MYO10: variants seen among roughly 807,000 people sequenced by gnomAD.
The protein encoded by MYO10 is myosin X, also known as unconventional myosin-X.
Under a neutral mutation model 257.3 loss-of-function variants are expected in MYO10, and 133 were observed. That is an observed-to-expected ratio of 0.52 (90% CI 0.45 to 0.60). The LOEUF is 0.60. Ranked by LOEUF, MYO10 falls within the 20% of genes least tolerant of loss-of-function variation. MYO10 has a pLI of 0.00. For missense variants in MYO10, 2,399 were observed against 2,635.7 expected, an observed-to-expected ratio of 0.91 and a Z score of 1.97; for synonymous variants, 1,104 against 1,028.6, an observed-to-expected ratio of 1.07 and a Z score of -1.40.
Position 16,877,942 on chromosome 5 carries a change from G to A in MYO10, c.22-235C>T, listed in dbSNP as rs970932005. Among the ~76,000 whole-genome samples the A allele has an allele frequency of 3.9e-5, 6 of 152,296 alleles. No homozygotes were observed. In the South Asian group the frequency reaches 1.0e-3, roughly 26 times the overall value. Reference sequence around the variant, plus strand: ...AAGGCAAAGAGGGACTAAGAAAATAGTAGCTAGCCCCTGTGTTCTCACCAT... The same window carrying A: ...AAGGCAAAGAGGGACTAAGAAAATAATAGCTAGCCCCTGTGTTCTCACCAT... On this transcript the variant is annotated intron_variant, in intron 1 of 40. Transcript: ENST00000513610.
intron 19 of MYO10, among the ~76,000 whole-genome samples, chr5:16,729,757 T>C (rs1460393549): frequency 6.6e-6 from 1 of 152,150 alleles, no homozygotes; most frequent in Non-Finnish European, 1.5e-5. Flanking sequence ...AGTTTTATTT[T>C]CTAGTGTGGC....
chr5:16,797,298 T>A (rs1181193893), intron 3 of MYO10, among the ~76,000 whole-genome samples: 1 of 152,146 alleles, frequency 6.6e-6, no homozygotes, highest in Non-Finnish European at 1.5e-5. Flanking sequence ...GTAAGTATAA[T>A]GCAGATACTT....
chr5:16,716,829 C>T (rs1376514330), intron 19 of MYO10, among the ~76,000 whole-genome samples: 1 of 151,810 alleles, frequency 6.6e-6, no homozygotes, highest in Admixed American at 6.6e-5. Flanking sequence ...TTGTTCAAAC[C>T]GGTTATTTTT....
chr5:16,674,088 C>T (rs1201563612), intron 35 of MYO10, among the ~76,000 whole-genome samples, 199 bp from the exon 36 acceptor site: 1 of 152,172 alleles, frequency 6.6e-6, no homozygotes, highest in Non-Finnish European at 1.5e-5. Context: ...CCCTAAAGAG[C>T]CAATGTCTCA....
intron 37 of MYO10, among the ~76,000 whole-genome samples, chr5:16,671,819 T>C (rs1736478142): frequency 6.6e-6 from 1 of 152,250 alleles, no homozygotes; most frequent in Non-Finnish European, 1.5e-5. Context: ...CTAAGCATTA[T>C]GCTGAGTCCA....
At chr5:16,837,642 A>G (rs1743353160) in intron 2 of MYO10, among the ~76,000 whole-genome samples, 1 of 152,106 alleles carries the variant, frequency 6.6e-6, no homozygotes, top group African/African-American at 2.4e-5. Flanking sequence ...ATCTCAATAA[A>G]ACTGTTATTC....
intron 1 of MYO10, among the ~76,000 whole-genome samples, chr5:16,898,538 G>A (rs150612773): frequency 0.013 from 2,022 of 150,972 alleles, 39 homozygotes; most frequent in African/African-American, 0.046. Context: ...TCAGCATCCC[G>A]AATAGATGGG....
chr5:16,749,678 G>A (rs902378895), intron 19 of MYO10, among the ~76,000 whole-genome samples: 2 of 152,128 alleles, frequency 1.3e-5, no homozygotes, highest in Non-Finnish European at 2.9e-5. Context: ...AACCCATGAC[G>A]TTTCCTTCCT....
At position 16,699,452 on chromosome 5, in the gene MYO10, T is replaced by A; in HGVS notation, c.3554A>T (p.Lys1185Ile). The A allele has an allele frequency of 6.2e-7, 1 of 1,613,760 alleles. No individual in the cohort carries two copies. The change falls in exon 26 of 41, where the codon AAA becomes ATA. Residue 1185 changes from lysine to isoleucine, a missense_variant and splice_region_variant. Physicochemically the swap from Lys to Ile is moderately radical, Grantham distance 102 (BLOSUM62 -3). Around this residue, in one of 3 missense-constraint regions of MYO10, gnomAD observed 1,820 missense variants for 1,939.4 expected, o/e 0.94. Transcript: ENST00000513610. Reference protein sequence around the residue: ...LPYFHSFLYMKGGLMNSWKRR... With the variant: ...LPYFHSFLYMIGGLMNSWKRR... ...CTCCATGGCGGCTGCAGTCATACCT[T>A]TCATGTACAGAAAGCTGTGGAAATA...
chr5:16,685,690 T>A, intron 29 of MYO10, 48 bp downstream of exon 29: 1 of 1,243,146 alleles, frequency 8.0e-7, no homozygotes. Context: ...GCCCTCCCCG[T>A]CCCTGCCCCT....
At chr5:16,671,797 A>T (rs1258397251) in intron 37 of MYO10, among the ~76,000 whole-genome samples, 2 of 152,214 alleles carry the variant, frequency 1.3e-5, no homozygotes, top group African/African-American at 4.8e-5. Context: ...GCCGCATTCG[A>T]ATTAGTACCA....
At position 16,668,323 on chromosome 5, in the gene MYO10, TAC is replaced by T; in HGVS notation, c.6027_6028del (p.Tyr2010Ter). ...CTCCCTCTCATCGACCACGATCTTA[TAC>T]GTATTCGCCAGGGGTGCCCCAAAAG... On this transcript the variant is annotated frameshift_variant, in exon 40 of 41. Transcript: ENST00000513610. LOFTEE classifies it high-confidence loss of function. 1.2e-6 allele frequency: 2 copies of T among 1,614,010 alleles called. No individual in the cohort carries two copies. The highest frequency in any genetic ancestry group is 1.7e-6 in the Non-Finnish European group (2 of 1,179,898).
intron 2 of MYO10, among the ~76,000 whole-genome samples, chr5:16,849,021 T>C (rs976216180): frequency 6.6e-6 from 1 of 152,170 alleles, no homozygotes; most frequent in Non-Finnish European, 1.5e-5. Context: ...AGTGGCGCAA[T>C]CATAGCTCAC....
chr5:16,807,621 C>A (rs934752835), intron 3 of MYO10, among the ~76,000 whole-genome samples: 1 of 152,052 alleles, frequency 6.6e-6, no homozygotes. Flanking sequence ...AGCATGCAAC[C>A]TTTGTTCTGG....
intron 3 of MYO10, among the ~76,000 whole-genome samples, chr5:16,800,462 G>A (rs990120094): frequency 6.6e-6 from 1 of 152,176 alleles, no homozygotes; most frequent in Admixed American, 6.5e-5. Flanking sequence ...AGGCAAGAAA[G>A]CCTTGATTGT....
intron 8 of MYO10, 38 bp downstream of exon 8, chr5:16,780,486 G>A (rs1022531220): frequency 4.0e-6 from 6 of 1,484,706 alleles, no homozygotes; most frequent in Non-Finnish European, 5.5e-6. Context: ...TGGAAAATGA[G>A]TTGCTAGTCC....
chr5:16,796,464 GAAAGAAAAGAAAAGA>G (rs202181181), intron 3 of MYO10, among the ~76,000 whole-genome samples: 1,628 of 100,094 alleles, frequency 0.016, 65 homozygotes, highest in African/African-American at 0.056. Flanking sequence ...AAGAAAGAAA[GAAAGAAAAGAAAAGA>G]AAAGAAAGAA....
At chr5:16,935,550 C>A (rs1219705226) in intron 1 of MYO10, among the ~76,000 whole-genome samples, 1 of 152,098 alleles carries the variant, frequency 6.6e-6, no homozygotes, top group East Asian at 1.9e-4. Context: ...CCCACGCAAA[C>A]GGAAACGCAC....
chr5:16,903,982 TG>T (rs1258191183), intron 1 of MYO10, among the ~76,000 whole-genome samples: 1 of 152,116 alleles, frequency 6.6e-6, no homozygotes, highest in African/African-American at 2.4e-5. Flanking sequence ...ATCTTCAAAG[TG>T]TAAGTGTCTT....
Sources: allele counts gnomAD v4.1 joint callset (sites outside exome capture counted in the v4.1 genomes callset), GRCh38; gene constraint gnomAD v4.1.1; regional missense constraint gnomAD v4.1.1; transcripts MANE v1.5; gene names NCBI Gene and HGNC (gene_info 2026-07-23, HGNC 2026-07-21).